The following BARX1 variants were observed in gnomAD, a reference collection of about 807,000 sequenced individuals.
The protein encoded by BARX1 is BARX homeobox 1.
Under a neutral mutation model 19.6 loss-of-function variants are expected in BARX1, and 10 were observed. The observed-to-expected ratio is 0.51, with a 90% CI of 0.31 to 0.86. The LOEUF (loss-of-function observed/expected upper bound fraction) is 0.86. Among genes scored for constraint, BARX1 ranks in the 40% least tolerant of loss-of-function variants. The probability of loss-of-function intolerance (pLI) is 0.04; values close to 1 mark genes in which losing one functional copy is unlikely to be tolerated. For missense variants in BARX1, 309 were observed against 360.4 expected (o/e 0.86, Z 1.15); for synonymous variants, 177 against 170.0 (o/e 1.04, Z -0.32).
In BARX1 at chr9:93,955,208, G is replaced by T; in HGVS notation, c.-62C>A. 2.4e-6 allele frequency: 2 copies of T among 827,812 alleles called. No homozygotes were observed. The highest frequency in any genetic ancestry group is 2.9e-6 in the Non-Finnish European group (2 of 688,922). 51.3% of individuals were successfully genotyped at this position (827,812 alleles called of 1,614,324 possible). A position where few individuals can be genotyped will look rare whatever the true frequency, so the allele number is the denominator to read the frequency against. On this transcript the variant is annotated 5_prime_UTR_variant, in exon 1 of 4. Coordinates refer to ENST00000253968, the MANE Select transcript of BARX1 (RefSeq NM_021570.4). This position sits in a 1 kb window ranked among gnomAD's most constrained non-coding sequence, Gnocchi z 4.4. ...GCGGCGGCGACGGCTTGGCTCCGGCGCGGGGCCCGCGCGGGGCTCTAGGCC... is the reference window on the plus strand; with the variant it reads ...GCGGCGGCGACGGCTTGGCTCCGGCTCGGGGCCCGCGCGGGGCTCTAGGCC...
Position 93,952,729 on chromosome 9 carries a change from T to A in BARX1, c.600A>T (p.Ile200=). The A allele has an allele frequency of 6.2e-7, 1 of 1,614,094 alleles. No individual in the cohort carries two copies. Among genetic ancestry groups the A allele is most frequent in the Non-Finnish European group, 8.5e-7 (1 of 1,179,952 alleles). ...GTGGGAAGCCACCAGGCACACTCACTATTTTCTTCCACTTCATCCTCCGAT... is the reference window on the plus strand; with the variant it reads ...GTGGGAAGCCACCAGGCACACTCACAATTTTCTTCCACTTCATCCTCCGAT... ...YQNRRMKWKK[I]VLQGGGLESP... is the part of the protein sequence containing the mutation. The change falls in exon 3 of 4, where the codon ATA becomes ATT. Residue 200 remains isoleucine (I), a splice_region_variant and synonymous_variant. Transcript: ENST00000253968.
intron 3 of BARX1, 83 bp downstream of exon 3, chr9:93,952,646 G>T (rs1411765605): frequency 9.8e-6 from 14 of 1,431,784 alleles, no homozygotes; most frequent in African/African-American, 1.4e-5. Context: ...GAGTCTCAGT[G>T]GGGAGAAAGA....
chr9:93,954,917 C>G lies in BARX1; in HGVS notation c.223+7G>C. The G allele has an allele frequency of 2.3e-6, 3 of 1,323,798 alleles. No homozygotes were observed. The highest frequency in any genetic ancestry group is 2.9e-6 in the Non-Finnish European group (3 of 1,045,264). 82.0% of individuals were successfully genotyped at this position (1,323,798 alleles called of 1,614,324 possible). A position where few individuals can be genotyped will look rare whatever the true frequency, so the allele number is the denominator to read the frequency against. On this transcript the variant is annotated splice_region_variant and intron_variant, in intron 1 of 3. Transcript: ENST00000253968. ...CCGGCCCGCGACCCCGCGGCCGCCA[C>G]ACGTACCCAGGTGGCTGTGGAAGGG...
chr9:93,953,276 C>A, intron 1 of BARX1, 89 bp from the exon 2 acceptor site: 2 of 1,387,308 alleles, frequency 1.4e-6, no homozygotes, highest in South Asian at 1.5e-5. Context: ...CGGGGGTGCT[C>A]GCGCTTGGCC....
rs536705628 is a variant in BARX1, at chr9:93,953,571, A to C, written c.224-384T>G. On this transcript the variant is annotated intron_variant, in intron 1 of 3. Coordinates refer to ENST00000253968, the MANE Select transcript of BARX1 (RefSeq NM_021570.4). ...GTCCTAAGAAGATGGCGTTTGCTCC[A>C]ACCAAATCAGCCTTGCTGCGTTAGA... 3.8e-4 allele frequency: 101 copies of C among 269,164 alleles called. 1 individual carries two copies. The highest frequency in any genetic ancestry group is 2.1e-3 in the African/African-American group (95 of 44,644). The allele number at this position is 269,164 out of a possible 1,614,324, so 16.7% of individuals were successfully genotyped here.
Position 93,952,148 on chromosome 9 carries a change from G to A in BARX1, c.*16C>T. ...GGGTGGCGCGGGCATCCCAGGCCCC[G>A]CACCGTATACCGCCCTCAGTCCTCG... On this transcript the variant is annotated 3_prime_UTR_variant, in exon 4 of 4. Coordinates refer to ENST00000253968, the MANE Select transcript of BARX1 (RefSeq NM_021570.4). 1.9e-6 allele frequency: 3 copies of A among 1,602,806 alleles called. No individual in the cohort carries two copies. Among genetic ancestry groups the A allele is most frequent in the East Asian group, 2.2e-5 (1 of 44,822 alleles).
chr9:93,953,269 G>A, intron 1 of BARX1, 82 bp from the exon 2 acceptor site: 2 of 1,404,086 alleles, frequency 1.4e-6, no homozygotes, highest in Middle Eastern at 5.2e-4. Context: ...CGTGCCGCGG[G>A]GGTGCTCGCG....
intron 1 of BARX1, 33 bp from the exon 2 acceptor site, chr9:93,953,220 C>G: frequency 6.8e-7 from 1 of 1,465,946 alleles, no homozygotes; most frequent in Non-Finnish European, 8.9e-7. Context: ...CCCGGGTGAG[C>G]TACGGCCGCG....
chr9:93,952,874 C>A, intron 2 of BARX1, 22 bp downstream of exon 2: 3 of 1,611,212 alleles, frequency 1.9e-6, no homozygotes, highest in Non-Finnish European at 2.5e-6. Flanking sequence ...AGCCCGCTGG[C>A]CCCAGCCTTG....
Position 93,953,097 on chromosome 9 carries a change from C to A in BARX1, c.314G>T (p.Gly105Val). 6.4e-7 allele frequency: 1 copy of A among 1,556,544 alleles called. No homozygotes were observed. The highest frequency in any genetic ancestry group is 1.4e-5 in the African/African-American group (1 of 73,332). Residue 105 changes from glycine to valine, a missense_variant, in exon 2 of 4, where the codon GGG becomes GTG. By Grantham distance (109) the Gly-to-Val change is moderately radical. Transcript: ENST00000253968. Reference sequence around the variant, plus strand: ...ACCCGCGGCGCCGGGCAGCCCGGGCCCTGCCGCCAGCAACGCAGAGCTCAG... The same window carrying A: ...ACCCGCGGCGCCGGGCAGCCCGGGCACTGCCGCCAGCAACGCAGAGCTCAG... ...SGLSSALLAA[G>V]PGLPGAAGAP...
Position 93,951,699 on chromosome 9 carries a change from C to A in BARX1, c.*465G>T, listed in dbSNP as rs1481406386. On this transcript the variant is annotated 3_prime_UTR_variant, in exon 4 of 4. Transcript: ENST00000253968. ...GAGGGGGTAGGGGCCCCAGCGACAT[C>A]GGGGACCCGGCCTCCAGGCCGAGCC... 1 of 155,390 alleles carries A rather than the reference C, an allele frequency of 6.4e-6. No homozygotes were observed. Among genetic ancestry groups the A allele is most frequent in the Non-Finnish European group, 1.4e-5 (1 of 70,250 alleles). 9.6% of individuals were successfully genotyped at this position (155,390 alleles called of 1,614,324 possible).
chr9:93,952,454 G>T, intron 3 of BARX1, 126 bp from the exon 4 acceptor site: 1 of 1,359,640 alleles, frequency 7.4e-7, no homozygotes, highest in Non-Finnish European at 9.8e-7. Flanking sequence ...GAAATGTCCC[G>T]GGAAATGGCG....
At chr9:93,954,518 TG>T (rs1829138820) in intron 1 of BARX1, among the ~76,000 whole-genome samples, 4 of 152,168 alleles carry the variant, frequency 2.6e-5, no homozygotes, top group Admixed American at 6.5e-5. Context: ...CCGACTTCCC[TG>T]GGTTGGGCAG....
rs1829117762 is a variant in BARX1, at chr9:93,952,795, G to A, written c.534C>T (p.Ser178=). 2.5e-6 allele frequency: 4 copies of A among 1,614,030 alleles called. No individual in the cohort carries two copies. The highest frequency in any genetic ancestry group is 1.1e-5 in the South Asian group (1 of 91,090). ...TCACCTGCAACTGGCTCAGGCCCAG[G>A]GACTCAGCAAGATCTATTCTGGAAA... is the stretch of plus-strand genomic sequence containing the variant. ...STPDRIDLAE[S]LGLSQLQVKT... is the part of the protein sequence containing the mutation. The change falls in exon 3 of 4, where the codon TCC becomes TCT. Residue 178 remains serine (S), a synonymous_variant. Transcript: ENST00000253968.
intron 1 of BARX1, 40 bp downstream of exon 1, chr9:93,954,884 C>A (rs1587809937): frequency 7.9e-7 from 1 of 1,268,984 alleles, no homozygotes; most frequent in South Asian, 2.6e-5. Flanking sequence ...CGCTGTCTCC[C>A]GCCAAGCCCG....
rs143412229 is a variant in BARX1 at position 93,952,765 on chromosome 9, C to T, written c.564G>A (p.Thr188=). ...ACTTCATCCTCCGATTCTGGTACCA[C>T]GTCTTCACCTGCAACTGGCTCAGGC... ...SLGLSQLQVK[T]WYQNRRMKWK... Residue 188 remains threonine (T), a synonymous_variant, in exon 3 of 4, where the codon ACG becomes ACA. Coordinates refer to ENST00000253968, the MANE Select transcript of BARX1 (RefSeq NM_021570.4). 9.3e-6 allele frequency: 15 copies of T among 1,614,092 alleles called. No homozygotes were observed. In the African/African-American group the frequency reaches 1.6e-4, roughly 17 times the overall value.
Position 93,951,748 on chromosome 9 carries a change from C to G in BARX1, c.*416G>C, listed in dbSNP as rs978631956. 4 of 162,990 alleles carry G rather than the reference C, an allele frequency of 2.5e-5. No individual in the cohort carries two copies. The highest frequency in any genetic ancestry group is 9.6e-5 in the African/African-American group (4 of 41,794). 10.1% of individuals were successfully genotyped at this position (162,990 alleles called of 1,614,324 possible). On this transcript the variant is annotated 3_prime_UTR_variant, in exon 4 of 4. Transcript: ENST00000253968. ...CCGACGGGTTGCCCCGGGGCAATCT[C>G]AGGCCGTTGTGGCCTGAGCCCAACC... is the stretch of plus-strand genomic sequence containing the variant.
chr9:93,953,902 C>G (rs1829130165), intron 1 of BARX1, among the ~76,000 whole-genome samples: 2 of 152,158 alleles, frequency 1.3e-5, no homozygotes, highest in Admixed American at 6.5e-5. Flanking sequence ...CGCGCTGGCC[C>G]TGCCGTCTCC....
chr9:93,954,866 G>C, intron 1 of BARX1, 58 bp downstream of exon 1: 3 of 1,213,216 alleles, frequency 2.5e-6, no homozygotes, highest in Non-Finnish European at 3.1e-6. Context: ...CGCCCCCGCG[G>C]TTCAGCTCGC....
Sources: gnomAD v4.1 joint callset for allele counts (sites outside exome capture counted in the v4.1 genomes callset) on GRCh38, gnomAD v4.1.1 for gene constraint, Gnocchi (gnomAD v3.1) non-coding constraint, MANE v1.5 for transcripts, NCBI Gene and HGNC (gene_info 2026-07-23, HGNC 2026-07-21) for gene names.